THSD7A: variants seen among roughly 807,000 people sequenced by gnomAD.
THSD7A encodes thrombospondin type-1 domain-containing protein 7A.
A neutral mutation model predicts 231.3 loss-of-function variants in THSD7A; 96 were observed. That is an observed-to-expected ratio of 0.41 (90% CI 0.35 to 0.49). The LOEUF (loss-of-function observed/expected upper bound fraction) is 0.49, where lower values mean the gene tolerates loss of function less well. Ranked by LOEUF, THSD7A falls within the 20% of genes least tolerant of loss-of-function variation. THSD7A has a pLI of 0.05. For missense variants in THSD7A, 2,290 were observed against 2,070.2 expected (o/e 1.11, Z -2.06); for synonymous variants, 940 against 743.3 (o/e 1.26, Z -4.30).
chr7:11,477,508 A>G (rs995173089), intron 7 of THSD7A, among the ~76,000 whole-genome samples: 6 of 152,078 alleles, frequency 3.9e-5, no homozygotes, highest in East Asian at 1.9e-4. Context: ...TATAACTACA[A>G]TGCTTTTAAT....
chr7:11,376,096 C>T (rs1782262005), intron 27 of THSD7A, among the ~76,000 whole-genome samples: 1 of 151,948 alleles, frequency 6.6e-6, no homozygotes, highest in Non-Finnish European at 1.5e-5. Flanking sequence ...GTTTCACTAC[C>T]CTACAAAAGA....
chr7:11,649,450 G>T (rs1782410343), intron 1 of THSD7A, among the ~76,000 whole-genome samples: 1 of 151,992 alleles, frequency 6.6e-6, no homozygotes, highest in African/African-American at 2.4e-5. Flanking sequence ...TGCAGCAATA[G>T]ATAACTGATA....
At chr7:11,682,487 C>A (rs545695750) in intron 1 of THSD7A, among the ~76,000 whole-genome samples, 1 of 151,942 alleles carries the variant, frequency 6.6e-6, no homozygotes, top group African/African-American at 2.4e-5. Context: ...AAACCAGCAA[C>A]AATAAAAAGC....
At position 11,470,503 on chromosome 7, in the gene THSD7A, C is replaced by T. The variant is rs1004885779; in HGVS notation, c.2253-509G>A. Among the ~76,000 whole-genome samples the T allele has an allele frequency of 8.6e-5, 13 of 151,566 alleles. 2 individuals are homozygous for T. Among genetic ancestry groups the T allele is most frequent in the Admixed American group, 7.9e-4 (12 of 15,202 alleles). ...TTCTTTACACAGTACATGCTCAAAA[C>T]ACAATACTGTATTAAAAACTACATA... On this transcript the variant is annotated intron_variant, in intron 8 of 27. Coordinates refer to ENST00000423059, the MANE Select transcript of THSD7A (RefSeq NM_015204.3).
intron 1 of THSD7A, among the ~76,000 whole-genome samples, chr7:11,782,592 T>C (rs1232766015): frequency 6.6e-6 from 1 of 152,144 alleles, no homozygotes; most frequent in African/African-American, 2.4e-5. Context: ...CAGTGAACAG[T>C]GATCATCACC....
At position 11,446,130 on chromosome 7, in the gene THSD7A, G is replaced by C; in HGVS notation, c.2995C>G (p.Arg999Gly). The C allele has an allele frequency of 6.2e-7, 1 of 1,613,422 alleles. No homozygotes were observed. Residue 999 changes from arginine (R) to glycine (G), a missense_variant, in exon 13 of 28, where the codon CGT becomes GGT. Coordinates refer to ENST00000423059, the MANE Select transcript of THSD7A (RefSeq NM_015204.3). This position sits in a 1 kb window ranked among gnomAD's most constrained non-coding sequence, Gnocchi z 4.0. ...TCGTAGCATGCCATTGCTTGGTAAC[G>C]ATATCCTTGTCCGCATTCCTTGATG... is the stretch of plus-strand genomic sequence containing the variant. Reference protein sequence around the residue: ...GDIKECGQGYRYQAMACYDQN... With the variant: ...GDIKECGQGYGYQAMACYDQN...
intron 2 of THSD7A, among the ~76,000 whole-genome samples, chr7:11,631,880 C>G (rs537280661): frequency 6.6e-6 from 1 of 152,200 alleles, no homozygotes; most frequent in South Asian, 2.1e-4. Context: ...GACCAATGGC[C>G]TCCTGTAAAT....
chr7:11,430,144 T>A (rs1233502538), intron 13 of THSD7A, among the ~76,000 whole-genome samples: 1 of 152,180 alleles, frequency 6.6e-6, no homozygotes, highest in Admixed American at 6.5e-5. Context: ...AGAGATTCGA[T>A]TTTGACAATG....
chr7:11,470,924 T>C (rs570928406), intron 8 of THSD7A, among the ~76,000 whole-genome samples: 5 of 151,908 alleles, frequency 3.3e-5, no homozygotes, highest in African/African-American at 4.8e-5. Context: ...AGCTGATGTA[T>C]AGGTTTTAAA....
At chr7:11,820,746 C>A (rs138805998) in intron 1 of THSD7A, 2 of 1,209,384 alleles carry the variant, frequency 1.7e-6, no homozygotes, top group African/African-American at 3.0e-5. Context: ...TCAGTGTACT[C>A]TTCTGCTTTG....
intron 1 of THSD7A, among the ~76,000 whole-genome samples, chr7:11,725,820 G>A (rs1320344882): frequency 6.6e-6 from 1 of 151,826 alleles, no homozygotes; most frequent in Non-Finnish European, 1.5e-5. Context: ...TCTTTACTGG[G>A]ACTCCTAAAG....
At chr7:11,779,548 T>G (rs1396607844) in intron 1 of THSD7A, among the ~76,000 whole-genome samples, 1 of 152,234 alleles carries the variant, frequency 6.6e-6, no homozygotes, top group Non-Finnish European at 1.5e-5. Flanking sequence ...TGTTCTTTCT[T>G]TGAGCAGAGG....
intron 23 of THSD7A, among the ~76,000 whole-genome samples, chr7:11,396,429 C>A (rs560686859): frequency 6.6e-6 from 1 of 152,074 alleles, no homozygotes; most frequent in Non-Finnish European, 1.5e-5. Context: ...CAAATAGATT[C>A]AATAAAAAAT....
chr7:11,689,488 T>C (rs1345893448), intron 1 of THSD7A, among the ~76,000 whole-genome samples: 1 of 151,748 alleles, frequency 6.6e-6, no homozygotes, highest in Admixed American at 6.6e-5. Context: ...AAAGAGTCCA[T>C]ACTCCTCACT....
intron 22 of THSD7A, among the ~76,000 whole-genome samples, chr7:11,403,908 TA>T (rs1783495641): frequency 6.6e-6 from 1 of 152,206 alleles, no homozygotes; most frequent in African/African-American, 2.4e-5. Flanking sequence ...ATGTATTTCC[TA>T]ATTTAGTATT....
intron 1 of THSD7A, among the ~76,000 whole-genome samples, chr7:11,676,847 A>G (rs549297584): frequency 3.3e-5 from 5 of 152,186 alleles, no homozygotes; most frequent in African/African-American, 1.2e-4. Flanking sequence ...AACACACTGC[A>G]GTGTATTATA....
At chr7:11,817,549 G>C (rs956812239) in intron 1 of THSD7A, among the ~76,000 whole-genome samples, 1 of 152,156 alleles carries the variant, frequency 6.6e-6, no homozygotes, top group African/African-American at 2.4e-5. Context: ...GATCCAAGGA[G>C]GAAGAGGAAT....
At chr7:11,645,253 GCATTCT>G (rs1190507072) in intron 1 of THSD7A, among the ~76,000 whole-genome samples, 1 of 151,442 alleles carries the variant, frequency 6.6e-6, no homozygotes, top group Non-Finnish European at 1.5e-5. Flanking sequence ...ATATTTTCCA[GCATTCT>G]CATGGATGTT....
chr7:11,462,789 TATAA>T (rs1399974271), intron 9 of THSD7A, among the ~76,000 whole-genome samples: 10 of 152,122 alleles, frequency 6.6e-5, no homozygotes, highest in Admixed American at 6.5e-4. Flanking sequence ...CAATAATTAC[TATAA>T]ATAAGTAACT....
Sources: gnomAD v4.1 joint callset for allele counts (sites outside exome capture counted in the v4.1 genomes callset) on GRCh38, gnomAD v4.1.1 for gene constraint, Gnocchi (gnomAD v3.1) non-coding constraint, MANE v1.5 for transcripts, NCBI Gene and HGNC (gene_info 2026-07-23, HGNC 2026-07-21) for gene names.